Variants in PTPRD observed in about 807,000 individuals in gnomAD.
PTPRD encodes protein tyrosine phosphatase receptor type D.
PTPRD carries 34 observed loss-of-function variants against 214.5 expected under a neutral mutation model. The ratio of observed to expected loss-of-function variants is 0.16; its 90% CI spans 0.12 to 0.21. The LOEUF (loss-of-function observed/expected upper bound fraction) is 0.21, where lower values mean the gene tolerates loss of function less well. PTPRD is among the 10% of genes least tolerant of loss of function. PTPRD has a pLI of 1.00. For synonymous variants in PTPRD, 1,128 were observed against 845.7 expected (o/e 1.33, Z -5.79); for missense variants, 2,545 against 2,398.7 (o/e 1.06, Z -1.27).
intron 9 of PTPRD, among the ~76,000 whole-genome samples, chr9:9,313,160 T>C (rs1313406592): frequency 6.6e-6 from 1 of 152,190 alleles, no homozygotes; most frequent in Non-Finnish European, 1.5e-5. Context: ...TAGCCTATGA[T>C]AAACCTGGTT....
Position 9,029,359 on chromosome 9 carries a change from G to A in PTPRD, c.-142-10624C>T, listed in dbSNP as rs1229659100. On this transcript the variant is annotated intron_variant, in intron 10 of 45. Transcript: ENST00000381196. ...TAAAAAGTGCTGATTGGTTAGGAGG[G>A]GCTAGAGATTAGAAATTTAAAAAAT... 2.0e-5 allele frequency among the ~76,000 whole-genome samples: 3 copies of A among 151,780 alleles called. No individual in the cohort carries two copies. In the East Asian group the frequency reaches 5.8e-4, roughly 29 times the overall value.
At chr9:10,198,153 T>C (rs968123570) in intron 3 of PTPRD, among the ~76,000 whole-genome samples, 2 of 152,122 alleles carry the variant, frequency 1.3e-5, no homozygotes, top group Non-Finnish European at 2.9e-5. Context: ...ATGATACCCA[T>C]TGTTTTCCTT....
chr9:9,950,027 CTTAG>C (rs1319006242), intron 4 of PTPRD, among the ~76,000 whole-genome samples: 2 of 152,138 alleles, frequency 1.3e-5, no homozygotes, highest in African/African-American at 4.8e-5. Flanking sequence ...CATAAAGTCT[CTTAG>C]TTATTCTTAA....
At chr9:8,433,899 C>T (rs1051637354) in intron 35 of PTPRD, among the ~76,000 whole-genome samples, 3 of 152,212 alleles carry the variant, frequency 2.0e-5, no homozygotes, top group African/African-American at 7.2e-5. Flanking sequence ...CATTCACTCA[C>T]TACTCTCACT....
At chr9:8,326,626 A>ATAGTT (rs1834086520) in intron 44 of PTPRD, among the ~76,000 whole-genome samples, 1 of 150,544 alleles carries the variant, frequency 6.6e-6, no homozygotes, top group African/African-American at 2.5e-5. Flanking sequence ...ATTGTTTGCA[A>ATAGTT]TAGTTTCAGA....
intron 2 of PTPRD, among the ~76,000 whole-genome samples, chr9:10,402,680 G>T (rs1472247678): frequency 1.3e-5 from 2 of 151,630 alleles, no homozygotes; most frequent in African/African-American, 4.8e-5. Context: ...AAATACCTTA[G>T]TTGTTAGCTT....
intron 9 of PTPRD, among the ~76,000 whole-genome samples, chr9:9,316,459 G>A (rs1963179655): frequency 6.6e-6 from 1 of 152,058 alleles, no homozygotes; most frequent in African/African-American, 2.4e-5. Context: ...TTTTATTAGG[G>A]TAATCTATAG....
At chr9:8,432,400 C>T (rs2095114077) in intron 35 of PTPRD, among the ~76,000 whole-genome samples, 3 of 152,204 alleles carry the variant, frequency 2.0e-5, no homozygotes, top group Non-Finnish European at 4.4e-5. Flanking sequence ...GGAAGTGTCT[C>T]ATAGGATCTA....
At chr9:10,239,642 C>A (rs912272750) in intron 3 of PTPRD, among the ~76,000 whole-genome samples, 4 of 151,686 alleles carry the variant, frequency 2.6e-5, no homozygotes, top group African/African-American at 9.7e-5. Context: ...TTTTATTATG[C>A]ATATCATTGC....
chr9:9,978,104 A>ACACACACACACACG (rs1555422942), intron 4 of PTPRD, among the ~76,000 whole-genome samples: 18 of 151,098 alleles, frequency 1.2e-4, no homozygotes, highest in East Asian at 3.9e-4. Flanking sequence ...ATTAAAACAC[A>ACACACACACACACG]CACACACACA....
chr9:8,512,254 T>C (rs141155911), intron 21 of PTPRD, among the ~76,000 whole-genome samples: 83 of 152,220 alleles, frequency 5.5e-4, no homozygotes, highest in Non-Finnish European at 2.4e-4. Context: ...AAGAGTCTGA[T>C]GTGTAAATGC....
intron 5 of PTPRD, among the ~76,000 whole-genome samples, chr9:9,836,852 G>A (rs551937150): frequency 1.3e-5 from 2 of 152,012 alleles, no homozygotes; most frequent in East Asian, 1.9e-4. Flanking sequence ...ACCATGTAAT[G>A]GTTCAATAAA....
chr9:9,371,914 T>C (rs1177628167), intron 9 of PTPRD, among the ~76,000 whole-genome samples: 2 of 152,182 alleles, frequency 1.3e-5, no homozygotes, highest in Non-Finnish European at 2.9e-5. Flanking sequence ...TCCATGTAGT[T>C]GAGCAGTTTT....
chr9:8,747,140 C>G (rs531263626), intron 11 of PTPRD, among the ~76,000 whole-genome samples: 1 of 152,236 alleles, frequency 6.6e-6, no homozygotes, highest in African/African-American at 2.4e-5. Context: ...CTGACCCTTT[C>G]CTTTATTATG....
intron 12 of PTPRD, among the ~76,000 whole-genome samples, chr9:8,716,686 G>C (rs868494059): frequency 6.7e-6 from 1 of 148,330 alleles, no homozygotes; most frequent in Non-Finnish European, 1.5e-5. Flanking sequence ...AAAATCAAAG[G>C]ATCCGGAGCA....
At chr9:8,636,477 C>T (rs1480542574) in intron 13 of PTPRD, among the ~76,000 whole-genome samples, 4 of 152,120 alleles carry the variant, frequency 2.6e-5, no homozygotes, top group Non-Finnish European at 4.4e-5. Flanking sequence ...CCTAGGAATA[C>T]TATTGAGCCC....
chr9:8,851,685 T>C (rs1185396999), intron 11 of PTPRD, among the ~76,000 whole-genome samples: 1 of 152,206 alleles, frequency 6.6e-6, no homozygotes, highest in East Asian at 1.9e-4. Context: ...AAATTTAAAA[T>C]ACAAAATAAG....
Position 10,179,556 on chromosome 9 carries a change from G to T in PTPRD, c.-544-145766C>A, listed in dbSNP as rs2099269664. Reference sequence around the variant, plus strand: ...AAATAAGAGTATTTTGAGGAAAAGGGGTCAGACAGGGAAGTAAGTGCATAT... The same window carrying T: ...AAATAAGAGTATTTTGAGGAAAAGGTGTCAGACAGGGAAGTAAGTGCATAT... On this transcript the variant is annotated intron_variant, in intron 3 of 45. Transcript: ENST00000381196. Among the ~76,000 whole-genome samples the T allele has an allele frequency of 4.6e-5, 7 of 151,898 alleles. No homozygotes were observed. The South Asian group carries it at 1.5e-3, about 32-fold the overall frequency.
intron 8 of PTPRD, among the ~76,000 whole-genome samples, chr9:9,544,853 A>G (rs2078406443): frequency 6.6e-6 from 1 of 151,546 alleles, no homozygotes; most frequent in Admixed American, 6.6e-5. Context: ...TAGTGAATTA[A>G]AAAGTAGGAA....
Sources: allele counts gnomAD v4.1 joint callset (sites outside exome capture counted in the v4.1 genomes callset), GRCh38; gene constraint gnomAD v4.1.1; transcripts MANE v1.5; gene names NCBI Gene and HGNC (gene_info 2026-07-23, HGNC 2026-07-21).